The following MED24 variants were observed in gnomAD, a reference collection of about 807,000 sequenced individuals.
The protein encoded by MED24 is mediator of RNA polymerase II transcription subunit 24.
In MED24, 74 loss-of-function variants were observed where a neutral mutation model predicts 118.8. That is an observed-to-expected ratio of 0.62 (90% CI 0.52 to 0.76). The LOEUF (loss-of-function observed/expected upper bound fraction) is 0.76, where lower values mean the gene tolerates loss of function less well. Ranked by LOEUF, MED24 falls within the 30% of genes least tolerant of loss-of-function variation. MED24 has a pLI of 0.00. For synonymous variants in MED24, 521 were observed against 523.9 expected, an observed-to-expected ratio of 0.99 and a Z score of 0.08; for missense variants, 1,041 against 1,278.9, an observed-to-expected ratio of 0.81 and a Z score of 2.84.
chr17:40,022,701 G>A lies in MED24; in HGVS notation c.2376C>T (p.Leu792=). 1 of 1,613,868 alleles carries A rather than the reference G, an allele frequency of 6.2e-7. No individual in the cohort carries two copies. Among genetic ancestry groups the A allele is most frequent in the Non-Finnish European group, 8.5e-7 (1 of 1,179,968 alleles). Residue 792 remains leucine, a synonymous_variant, in exon 21 of 26, where the codon CTC becomes CTT. Coordinates refer to ENST00000394128, the MANE Select transcript of MED24 (RefSeq NM_014815.4). ...VLLGHILPGL[L]TDSSKWHSLM... is the part of the protein sequence containing the mutation. Reference sequence around the variant, plus strand: ...GGCTGTGCCACTTGGAGGAGTCAGTGAGCAGGCCAGGTAGGATGTGGCCCA... The same window carrying A: ...GGCTGTGCCACTTGGAGGAGTCAGTAAGCAGGCCAGGTAGGATGTGGCCCA...
chr17:40,045,319 C>G (rs993339938), intron 3 of MED24, among the ~76,000 whole-genome samples: 1 of 151,854 alleles, frequency 6.6e-6, no homozygotes, highest in Non-Finnish European at 1.5e-5. Flanking sequence ...TGTGGTGGTA[C>G]ATGCCTGTAA....
intron 16 of MED24, 120 bp downstream of exon 16, chr17:40,027,263 T>C: frequency 7.9e-7 from 1 of 1,261,732 alleles, no homozygotes; most frequent in Non-Finnish European, 1.1e-6. Context: ...GGGCACCTGG[T>C]TTCTGAGGCC....
chr17:40,036,033 A>C (rs1983896389), intron 4 of MED24, 83 bp downstream of exon 4: 13 of 1,453,306 alleles, frequency 8.9e-6, no homozygotes, highest in Non-Finnish European at 1.1e-5. Flanking sequence ...ATCCAGCCTC[A>C]CGGGTCACAG....
intron 6 of MED24, 27 bp downstream of exon 6, chr17:40,035,090 G>A: frequency 6.2e-7 from 1 of 1,611,784 alleles, no homozygotes; most frequent in African/African-American, 1.3e-5. Context: ...AGCGGCAGGT[G>A]GGGCTCAGGG....
Position 40,023,355 on chromosome 17 carries a change from C to G in MED24, c.2026G>C (p.Asp676His), listed in dbSNP as rs376292548. ...TGCGTGGCTGTCTGCTGCAGCACGT[C>G]GGCACACATGCGCTCCAGGATCGAG... is the stretch of plus-strand genomic sequence containing the variant. ...MNSILERMCA[D>H]VLQQTATQIK... is the part of the protein sequence containing the mutation. Residue 676 changes from aspartate (D) to histidine (H), a missense_variant, in exon 20 of 26, where the codon GAC becomes CAC. Physicochemically the swap from Asp to His is moderately conservative, Grantham distance 81. Around this residue, in one of 3 missense-constraint regions of MED24, gnomAD observed 587 missense variants for 694.4 expected, o/e 0.85. Coordinates refer to ENST00000394128, the MANE Select transcript of MED24 (RefSeq NM_014815.4). The G allele has an allele frequency of 1.4e-5, 22 of 1,611,476 alleles. 1 individual carries two copies. The African/African-American group carries it at 2.0e-4, about 15-fold the overall frequency.
intron 3 of MED24, 24 bp downstream of exon 3, chr17:40,053,274 G>T (rs1212085693): frequency 1.3e-5 from 21 of 1,575,394 alleles, no homozygotes; most frequent in Non-Finnish European, 1.8e-5. Flanking sequence ...CTCACTTCTT[G>T]GTGGGGGTTT....
chr17:40,036,478 G>A (rs1020680263), intron 3 of MED24, among the ~76,000 whole-genome samples: 1 of 152,046 alleles, frequency 6.6e-6, no homozygotes, highest in Non-Finnish European at 1.5e-5. Flanking sequence ...ATCACGAGGT[G>A]AGGAGTTTGA....
intron 14 of MED24, among the ~76,000 whole-genome samples, 158 bp downstream of exon 14, chr17:40,028,668 C>T (rs1983004917): frequency 6.6e-6 from 1 of 152,178 alleles, no homozygotes; most frequent in African/African-American, 2.4e-5. Context: ...GTCGTGAGAA[C>T]AGGCCCTTCC....
At chr17:40,039,781 ATT>A (rs869107070) in intron 3 of MED24, among the ~76,000 whole-genome samples, 53 of 127,680 alleles carry the variant, frequency 4.2e-4, no homozygotes, top group African/African-American at 9.7e-4. Context: ...ACCATGCTTA[ATT>A]TTTTTTTTTT....
In MED24 at chr17:40,020,370, A is replaced by T. The variant is rs1401623921; in HGVS notation, c.2624-17T>A. ...ATCGGTCTGCTGTGGGACGGAGCAGATGGAGCGCTGGGAAACAGCCTGCCG... is the reference window on the plus strand; with the variant it reads ...ATCGGTCTGCTGTGGGACGGAGCAGTTGGAGCGCTGGGAAACAGCCTGCCG... On this transcript the variant is annotated splice_polypyrimidine_tract_variant and intron_variant, in intron 23 of 25. Coordinates refer to ENST00000394128, the MANE Select transcript of MED24 (RefSeq NM_014815.4). 3.8e-6 allele frequency: 6 copies of T among 1,584,030 alleles called. No individual in the cohort carries two copies. The highest frequency in any genetic ancestry group is 5.2e-6 in the Non-Finnish European group (6 of 1,164,986).
chr17:40,037,583 C>T (rs1984086857), intron 3 of MED24, among the ~76,000 whole-genome samples: 1 of 152,032 alleles, frequency 6.6e-6, no homozygotes, highest in Admixed American at 6.6e-5. Context: ...AGTCACTAGC[C>T]CCATATGGTT....
intron 3 of MED24, among the ~76,000 whole-genome samples, chr17:40,043,892 A>AAAAAAAAAAAAAAACAAAAAAAAC (rs1288945578): frequency 1.3e-5 from 2 of 148,416 alleles, no homozygotes; most frequent in South Asian, 2.1e-4. Flanking sequence ...CTCCATCTCA[A>AAAAAAAAAAAAAAACAAAAAAAAC]AAAAAAAAAA....
chr17:40,027,202 G>A, intron 16 of MED24, 168 bp from the exon 17 acceptor site: 11 of 1,086,960 alleles, frequency 1.0e-5, no homozygotes, highest in Non-Finnish European at 1.5e-5. Context: ...GCCACCTAGT[G>A]GTCAATGTGA....
In MED24 at chr17:40,019,645, C is replaced by A. The variant is rs761898483; in HGVS notation, c.2854G>T (p.Val952Leu). The A allele has an allele frequency of 3.1e-6, 5 of 1,590,838 alleles. No homozygotes were observed. In the Admixed American group the frequency reaches 8.5e-5, roughly 27 times the overall value. Residue 952 changes from valine (V) to leucine (L), a missense_variant and splice_region_variant, in exon 26 of 26, where the codon GTG becomes TTG. Transcript: ENST00000394128. ...GCTGACACCTTCACCAGTTCCGACA[C>A]CTGCCACGGACAGACAGATGCTGCT... Reference protein sequence around the residue: ...SVLQFMPFTTVSELVKVSAMS... With the variant: ...SVLQFMPFTTLSELVKVSAMS...
chr17:40,019,187 CACACACACACACACACAT>C lies in MED24; in HGVS notation c.*324_*341del, dbSNP rs1981637394. 3 of 239,316 alleles carry C rather than the reference CACACACACACACACACAT, an allele frequency of 1.3e-5. No individual in the cohort carries two copies. Among genetic ancestry groups the C allele is most frequent in the African/African-American group, 7.0e-5 (3 of 42,916 alleles). The allele number at this position is 239,316 out of a possible 1,614,324, so 14.8% of individuals were successfully genotyped here. ...CAAAATACACACAAACACACACACA[CACACACACACACACACAT>C]ACACACTTTGCATCTAGAAAGTTCC... On this transcript the variant is annotated 3_prime_UTR_variant, in exon 26 of 26. Transcript: ENST00000394128.
At chr17:40,031,718 T>C (rs1275121900) in intron 10 of MED24, 98 bp from the exon 11 acceptor site, 2 of 1,178,672 alleles carry the variant, frequency 1.7e-6, no homozygotes, top group African/African-American at 3.1e-5. Context: ...CTGAGTTGCC[T>C]GGCTGCTTTC....
chr17:40,019,995 C>T (rs1981758988), intron 24 of MED24, 62 bp from the exon 25 acceptor site: 7 of 1,527,824 alleles, frequency 4.6e-6, no homozygotes, highest in Middle Eastern at 3.4e-4. Flanking sequence ...AGGTCACACT[C>T]TGGGAGAAGG....
At chr17:40,031,391 C>A in intron 11 of MED24, 146 bp from the exon 12 acceptor site, 1 of 1,208,194 alleles carries the variant, frequency 8.3e-7, no homozygotes, top group South Asian at 1.3e-5. Context: ...GCTCTGGGGA[C>A]TTGGCAACTG....
chr17:40,051,772 A>T (rs1985873116), intron 3 of MED24, among the ~76,000 whole-genome samples: 6 of 150,830 alleles, frequency 4.0e-5, no homozygotes, highest in Admixed American at 4.0e-4. Flanking sequence ...AAAATACAAA[A>T]ATTAGCCGGG....
Sources: gnomAD v4.1 joint callset for allele counts (sites outside exome capture counted in the v4.1 genomes callset) on GRCh38, gnomAD v4.1.1 for gene constraint, gnomAD v4.1.1 regional missense constraint, MANE v1.5 for transcripts, NCBI Gene and HGNC (gene_info 2026-07-23, HGNC 2026-07-21) for gene names.